The following BBX variants were observed in gnomAD, a reference collection of about 807,000 sequenced individuals.
The protein encoded by BBX is BBX high mobility group box domain containing, also known as HMG box transcription factor BBX.
In BBX, 30 loss-of-function variants were observed where a neutral mutation model predicts 100.2. That is an observed-to-expected ratio of 0.30 (90% CI 0.22 to 0.41). The LOEUF (loss-of-function observed/expected upper bound fraction) is 0.41, where lower values mean the gene tolerates loss of function less well. Ranked by LOEUF, BBX falls within the 10% of genes least tolerant of loss-of-function variation. The pLI is 1.00. For synonymous variants in BBX, 376 were observed against 388.1 expected (o/e 0.97, Z 0.37); for missense variants, 1,023 against 1,129.8 (o/e 0.91, Z 1.35).
At chr3:107,635,911 C>T (rs2056824807) in intron 2 of BBX, among the ~76,000 whole-genome samples, 1 of 152,016 alleles carries the variant, frequency 6.6e-6, no homozygotes, top group East Asian at 1.9e-4. Context: ...GGCATTTCAC[C>T]ATGTTGGCCA....
intron 10 of BBX, among the ~76,000 whole-genome samples, chr3:107,772,370 A>T (rs977763573): frequency 1.3e-5 from 2 of 152,182 alleles, no homozygotes; most frequent in Non-Finnish European, 2.9e-5. Flanking sequence ...TCTTGTTTTC[A>T]TAGGAAAAGC....
chr3:107,743,870 A>G (rs2064321032), intron 7 of BBX, among the ~76,000 whole-genome samples: 1 of 142,192 alleles, frequency 7.0e-6, no homozygotes, highest in South Asian at 2.2e-4. Flanking sequence ...AACAGTACTT[A>G]TCTTTGGGAG....
At chr3:107,691,967 T>C (rs1403118164) in intron 3 of BBX, among the ~76,000 whole-genome samples, 1 of 152,068 alleles carries the variant, frequency 6.6e-6, no homozygotes. Context: ...GATTGAGAAG[T>C]TTTGCTTTAT....
Position 107,773,002 on chromosome 3 carries a change from T to C in BBX, c.1281T>C (p.Asp427=), listed in dbSNP as rs753065407. 9.9e-6 allele frequency: 16 copies of C among 1,613,874 alleles called. No individual in the cohort carries two copies. The Admixed American group carries it at 1.0e-4, about 10-fold the overall frequency. ...IIISDVPSRK[D]HMCHPHGIMI... ...TTAGTGATGTTCCCAGTAGAAAGGA[T>C]CATATGTGCCATCCTCATGGAATTA... The change falls in exon 11 of 18, where the codon GAT becomes GAC. Residue 427 remains aspartate, a synonymous_variant. Transcript: ENST00000325805. This position sits in a 1 kb window ranked among gnomAD's most constrained non-coding sequence, Gnocchi z 4.1.
chr3:107,634,436 A>C (rs2056735614), intron 2 of BBX, among the ~76,000 whole-genome samples: 1 of 152,204 alleles, frequency 6.6e-6, no homozygotes, highest in African/African-American at 2.4e-5. Context: ...TGGAGTATGG[A>C]GACAAAGCGC....
intron 3 of BBX, among the ~76,000 whole-genome samples, chr3:107,676,255 A>C (rs180781657): frequency 6.6e-6 from 1 of 152,320 alleles, no homozygotes; most frequent in East Asian, 1.9e-4. Flanking sequence ...ATTATCATAG[A>C]CTAATACTAT....
intron 14 of BBX, among the ~76,000 whole-genome samples, chr3:107,790,816 G>A (rs1334260804): frequency 1.3e-5 from 2 of 152,090 alleles, no homozygotes; most frequent in Admixed American, 6.5e-5. Context: ...GTATGTTCCT[G>A]TATGTAACCT....
rs2057487220 is a variant in BBX at position 107,645,902 on chromosome 3, C to T, written c.-17C>T. On this transcript the variant is annotated 5_prime_UTR_variant, in exon 3 of 18. Coordinates refer to ENST00000325805, the MANE Select transcript of BBX (RefSeq NM_001142568.3). ...CTGAAATCACAATGGAAAGTCTTGA[C>T]TTGACTGGTAAGAGCTGTTGTGAAG... 6.6e-6 allele frequency: 1 copy of T among 152,562 alleles called. No individual in the cohort carries two copies. The highest frequency in any genetic ancestry group is 1.5e-5 in the Non-Finnish European group (1 of 68,018). 9.5% of individuals were successfully genotyped at this position (152,562 alleles called of 1,614,324 possible).
rs898669056 is a variant in BBX, at chr3:107,723,532, G to A, written c.406-5233G>A. 2.0e-5 allele frequency among the ~76,000 whole-genome samples: 3 copies of A among 151,892 alleles called. No individual in the cohort carries two copies. In the East Asian group the frequency reaches 5.8e-4, roughly 29 times the overall value. ...CCCATTAACTTGTCATTTACATTAG[G>A]TATATCTCCTAATGCTATCCCTCCT... On this transcript the variant is annotated intron_variant, in intron 5 of 17. Coordinates refer to ENST00000325805, the MANE Select transcript of BBX (RefSeq NM_001142568.3).
At chr3:107,740,361 C>G (rs1228839122) in intron 7 of BBX, among the ~76,000 whole-genome samples, 2 of 152,020 alleles carry the variant, frequency 1.3e-5, no homozygotes, top group African/African-American at 4.8e-5. Flanking sequence ...TTTCTGACCC[C>G]TTTCCCTCAG....
intron 5 of BBX, among the ~76,000 whole-genome samples, chr3:107,724,751 T>C: frequency 6.6e-6 from 1 of 152,226 alleles, no homozygotes; most frequent in East Asian, 1.9e-4. Context: ...GGCTCTGTTC[T>C]GTTCCATTGG....
chr3:107,618,571 C>T (rs938551006), intron 2 of BBX, among the ~76,000 whole-genome samples: 4 of 152,010 alleles, frequency 2.6e-5, no homozygotes, highest in Non-Finnish European at 5.9e-5. Context: ...GTTTCCTGTT[C>T]TACTCATGTT....
chr3:107,638,018 A>G lies in BBX; in HGVS notation c.-83-7818A>G, dbSNP rs771630614. 7.5e-4 allele frequency among the ~76,000 whole-genome samples: 114 copies of G among 152,028 alleles called. 2 individuals are homozygous for G. Among genetic ancestry groups the G allele is most frequent in the Admixed American group, 2.6e-4 (4 of 15,270 alleles). ...AGCCTTGAACTCCCAGGCTCAAGCC[A>G]TCCTCCCACCTCAGCCTTCCAAGTA... On this transcript the variant is annotated intron_variant, in intron 2 of 17. Coordinates refer to ENST00000325805, the MANE Select transcript of BBX (RefSeq NM_001142568.3).
intron 2 of BBX, among the ~76,000 whole-genome samples, chr3:107,581,311 G>A (rs748997379): frequency 6.6e-5 from 10 of 151,760 alleles, no homozygotes; most frequent in South Asian, 2.1e-4. Context: ...AATTTAAGAC[G>A]TTTTCCCTGT....
At chr3:107,663,297 T>C (rs2058558872) in intron 3 of BBX, among the ~76,000 whole-genome samples, 6 of 152,210 alleles carry the variant, frequency 3.9e-5, no homozygotes, top group Admixed American at 3.9e-4. Flanking sequence ...AATTCTGCAG[T>C]CATATCTTTA....
intron 3 of BBX, among the ~76,000 whole-genome samples, chr3:107,682,612 A>G (rs557846222): frequency 1.3e-5 from 2 of 152,170 alleles, no homozygotes; most frequent in Admixed American, 6.6e-5. Context: ...TGACTCTGGT[A>G]TAAACAAACA....
intron 12 of BBX, among the ~76,000 whole-genome samples, chr3:107,776,802 T>G (rs2067356633): frequency 6.6e-6 from 1 of 152,178 alleles, no homozygotes; most frequent in Admixed American, 6.6e-5. Context: ...GTATTCAGAG[T>G]ATTTGAAAAA....
chr3:107,547,610 T>A (rs1390292317), intron 2 of BBX, among the ~76,000 whole-genome samples: 1 of 152,188 alleles, frequency 6.6e-6, no homozygotes, highest in Non-Finnish European at 1.5e-5. Flanking sequence ...ATATTAAATA[T>A]AATATGTACT....
chr3:107,607,589 C>T (rs1005666697), intron 2 of BBX, among the ~76,000 whole-genome samples: 1 of 152,062 alleles, frequency 6.6e-6, no homozygotes, highest in Non-Finnish European at 1.5e-5. Context: ...AGTGGGATTG[C>T]TAGATTATGT....
Sources: allele counts gnomAD v4.1 joint callset (sites outside exome capture counted in the v4.1 genomes callset), GRCh38; gene constraint gnomAD v4.1.1; non-coding constraint Gnocchi (gnomAD v3.1); transcripts MANE v1.5; gene names NCBI Gene and HGNC (gene_info 2026-07-23, HGNC 2026-07-21).